Variants in FCHSD1 observed in about 807,000 individuals in gnomAD.
FCHSD1 encodes F-BAR and double SH3 domains protein 1.
Under a neutral mutation model 101.3 loss-of-function variants are expected in FCHSD1, and 109 were observed. The ratio of observed to expected loss-of-function variants is 1.08; its 90% CI spans 0.92 to 1.26. The LOEUF (loss-of-function observed/expected upper bound fraction) is 1.26. Ranked by LOEUF, FCHSD1 falls within the 50% of genes most tolerant of loss-of-function variation. The probability of loss-of-function intolerance (pLI) is 0.00; values close to 1 mark genes in which losing one functional copy is unlikely to be tolerated. For missense variants in FCHSD1, 820 were observed against 895.8 expected (o/e 0.92, Z 1.08); for synonymous variants, 291 against 356.8 (o/e 0.82, Z 2.08).
At position 141,649,893 on chromosome 5, in the gene FCHSD1, T is replaced by TC; in HGVS notation, c.226dup (p.Asp76GlyfsTer30). ...CCCCCTCCATAGGGCCCACCTGCTG[T>TC]CCATCTCACCGCTCCGGTGCCCTTC... is the stretch of plus-strand genomic sequence containing the variant. On this transcript the variant is annotated frameshift_variant, in exon 4 of 20. Transcript: ENST00000435817. LOFTEE classifies it high-confidence loss of function. The surrounding 1 kb of genome is among the most constrained non-coding windows in gnomAD (Gnocchi z 4.1). 1.9e-6 allele frequency: 3 copies of TC among 1,549,718 alleles called. No homozygotes were observed. Among genetic ancestry groups the TC allele is most frequent in the Non-Finnish European group, 2.6e-6 (3 of 1,147,116 alleles).
At chr5:141,648,719 T>G (rs2099907981) in intron 7 of FCHSD1, among the ~76,000 whole-genome samples, 1 of 152,198 alleles carries the variant, frequency 6.6e-6, no homozygotes, top group Admixed American at 6.5e-5. Context: ...CAGTGCCTAT[T>G]ATATACAGAT....
rs1042474340 is a variant in FCHSD1, at chr5:141,650,414, T to C, written c.120-10A>G. ...CTGCTTGCTGTAGGATCTGCGGAGATTGCAGGTCGGGGGTGAGGTGGGGGA... is the reference window on the plus strand; with the variant it reads ...CTGCTTGCTGTAGGATCTGCGGAGACTGCAGGTCGGGGGTGAGGTGGGGGA... On this transcript the variant is annotated splice_polypyrimidine_tract_variant and intron_variant, in intron 2 of 19. Coordinates refer to ENST00000435817, the MANE Select transcript of FCHSD1 (RefSeq NM_033449.3). 15 of 1,613,836 alleles carry C rather than the reference T, an allele frequency of 9.3e-6. No homozygotes were observed. The highest frequency in any genetic ancestry group is 1.3e-5 in the African/African-American group (1 of 74,994).
At chr5:141,646,821 CA>C in intron 10 of FCHSD1, 99 bp from the exon 11 acceptor site, 1 of 1,490,108 alleles carries the variant, frequency 6.7e-7, no homozygotes, top group South Asian at 1.3e-5. Flanking sequence ...AGGACAAGGA[CA>C]AAGAGAAAGG....
Position 141,649,815 on chromosome 5 carries a change from C to T in FCHSD1, c.233+72G>A. 1 of 1,503,378 alleles carries T rather than the reference C, an allele frequency of 6.7e-7. No individual in the cohort carries two copies. The highest frequency in any genetic ancestry group is 8.9e-7 in the Non-Finnish European group (1 of 1,122,078). 93.1% of individuals were successfully genotyped at this position (1,503,378 alleles called of 1,614,324 possible). On this transcript the variant is annotated intron_variant, in intron 4 of 19. Coordinates refer to ENST00000435817, the MANE Select transcript of FCHSD1 (RefSeq NM_033449.3). This position sits in a 1 kb window ranked among gnomAD's most constrained non-coding sequence, Gnocchi z 4.1. ...CTTCCCCACTTGCTAGGCCTTCATC[C>T]CCACAGGTTCCTGGGGCTGAGCTCC...
Position 141,649,930 on chromosome 5 carries a change from A to G in FCHSD1, c.190T>C (p.Phe64Leu). Residue 64 changes from phenylalanine to leucine, a missense_variant, in exon 4 of 20, where the codon TTC (phenylalanine) becomes CTC (leucine). Physicochemically the swap from Phe to Leu is conservative, Grantham distance 22 (BLOSUM62 0). Transcript: ENST00000435817. This position sits in a 1 kb window ranked among gnomAD's most constrained non-coding sequence, Gnocchi z 4.1. ...GQALQKLAGP[F>L]LKREGHRSGE... ...CTCCGGTGCCCTTCCCTCTTCAGGA[A>G]TGGGCCAGCCAGTTTCTGGAGTGCC... 1 of 1,549,980 alleles carries G rather than the reference A, an allele frequency of 6.5e-7. No homozygotes were observed.
Position 141,651,090 on chromosome 5 carries a change from G to A in FCHSD1, c.49C>T (p.Arg17Cys). Residue 17 changes from arginine (R) to cysteine (C), a missense_variant, in exon 2 of 20, where the codon CGC becomes TGC. By Grantham distance (180) the Arg-to-Cys change is radical (BLOSUM62 -3). Coordinates refer to ENST00000435817, the MANE Select transcript of FCHSD1 (RefSeq NM_033449.3). ...KVKPAQEVKL[R>C]FLEQLSILQT... is the part of the protein sequence containing the mutation. ...AGGATGCTCAGCTGTTCCAGGAAGCGAAGCTTCACCTCCTGGGCCGGCTTC... is the reference window on the plus strand; with the variant it reads ...AGGATGCTCAGCTGTTCCAGGAAGCAAAGCTTCACCTCCTGGGCCGGCTTC... 6.3e-7 allele frequency: 1 copy of A among 1,595,538 alleles called. No homozygotes were observed. The highest frequency in any genetic ancestry group is 8.5e-7 in the Non-Finnish European group (1 of 1,170,686).
Position 141,644,440 on chromosome 5 carries a change from T to C in FCHSD1, c.1643-2A>G. 6.2e-7 allele frequency: 1 copy of C among 1,613,436 alleles called. No homozygotes were observed. Among genetic ancestry groups the C allele is most frequent in the Non-Finnish European group, 8.5e-7 (1 of 1,179,644 alleles). On this transcript the variant is annotated splice_acceptor_variant, in intron 16 of 19. Transcript: ENST00000435817. LOFTEE classifies it high-confidence loss of function. The stretch of plus-strand genomic sequence containing the variant: ...TGTACAGGGCCTGTGCCAGGAATGC[T>C]ACAGAGGCCCAGGAGAGACGGTGAG...
In FCHSD1 at chr5:141,645,077, G is replaced by C. The variant is rs373942523; in HGVS notation, c.1383C>G (p.Pro461=). 39 of 1,591,098 alleles carry C rather than the reference G, an allele frequency of 2.5e-5. No individual in the cohort carries two copies. The East Asian group carries it at 3.1e-4, about 13-fold the overall frequency. The change falls in exon 14 of 20, where the codon CCC becomes CCG. Residue 461 remains proline, a synonymous_variant. Coordinates refer to ENST00000435817, the MANE Select transcript of FCHSD1 (RefSeq NM_033449.3). The part of the protein sequence containing the change: ...ETGELFEEPA[P]QALATRALPC... Reference sequence around the variant, plus strand: ...GGAGGGCCCTCGTGGCCAGGGCTTGGGGGGCAGGCTCCTCAAAGAGCTCTC... The same window carrying C: ...GGAGGGCCCTCGTGGCCAGGGCTTGCGGGGCAGGCTCCTCAAAGAGCTCTC...
In FCHSD1 at chr5:141,649,057, AG is replaced by A. The variant is rs1562392096; in HGVS notation, c.513-38del. 1 of 1,613,772 alleles carries A rather than the reference AG, an allele frequency of 6.2e-7. No homozygotes were observed. The highest frequency in any genetic ancestry group is 1.3e-5 in the African/African-American group (1 of 75,000). ...AGAGAAAGGAGTCAGGCCCACCCCAAGTGGGAGAATATGAGATCAGAGTCAG... is the reference window on the plus strand; with the variant it reads ...AGAGAAAGGAGTCAGGCCCACCCCAATGGGAGAATATGAGATCAGAGTCAG... On this transcript the variant is annotated intron_variant, in intron 6 of 19. Coordinates refer to ENST00000435817, the MANE Select transcript of FCHSD1 (RefSeq NM_033449.3). This position sits in a 1 kb window ranked among gnomAD's most constrained non-coding sequence, Gnocchi z 4.1.
rs941756233 is a variant in FCHSD1 at position 141,646,585 on chromosome 5, T to C, written c.1044+18A>G. 21 of 1,605,958 alleles carry C rather than the reference T, an allele frequency of 1.3e-5. No individual in the cohort carries two copies. Among genetic ancestry groups the C allele is most frequent in the Non-Finnish European group, 1.7e-5 (20 of 1,176,580 alleles). On this transcript the variant is annotated intron_variant, in intron 11 of 19. Coordinates refer to ENST00000435817, the MANE Select transcript of FCHSD1 (RefSeq NM_033449.3). ...GAGACAAGAAGGTGCACATGACACCTGTGCCCCCCCACCTCACCCGATGCC... is the reference window on the plus strand; with the variant it reads ...GAGACAAGAAGGTGCACATGACACCCGTGCCCCCCCACCTCACCCGATGCC...
intron 1 of FCHSD1, 101 bp from the exon 2 acceptor site, chr5:141,651,218 T>A (rs2099908363): frequency 6.6e-7 from 1 of 1,509,248 alleles, no homozygotes; most frequent in South Asian, 1.2e-5. Flanking sequence ...TGCTGAGCTC[T>A]TTCCTCTGTT....
In FCHSD1 at chr5:141,640,567, C is replaced by T. The variant is rs979010205; in HGVS notation, c.*931G>A. ...TGCAGGCTTAGCCTTTGCTATAAAT[C>T]CCTTGGTTTGGTGGTGGAGGTAGGG... On this transcript the variant is annotated 3_prime_UTR_variant, in exon 20 of 20. Coordinates refer to ENST00000435817, the MANE Select transcript of FCHSD1 (RefSeq NM_033449.3). The T allele has an allele frequency of 3.8e-6, 6 of 1,561,910 alleles. No individual in the cohort carries two copies. In the African/African-American group the frequency reaches 8.2e-5, roughly 21 times the overall value.
In FCHSD1 at chr5:141,645,034, C is replaced by A. The variant is rs1330810321; in HGVS notation, c.1426G>T (p.Val476Leu). Reference sequence around the variant, plus strand: ...CCCATTCATACCTGATAGCGAAATACCACGTGTGCAGGGCAGGGGAGGGCC... The same window carrying A: ...CCCATTCATACCTGATAGCGAAATAACACGTGTGCAGGGCAGGGGAGGGCC... ...TRALPCPAHVVFRYQAGREDE... is the reference protein window; with the variant it reads ...TRALPCPAHVLFRYQAGREDE... The change falls in exon 14 of 20, where the codon GTA becomes TTA. Residue 476 changes from valine (V) to leucine (L), a missense_variant. Physicochemically the swap from Val to Leu is conservative, Grantham distance 32 (BLOSUM62 1). Transcript: ENST00000435817. The A allele has an allele frequency of 1.9e-6, 3 of 1,609,832 alleles. No homozygotes were observed. Among genetic ancestry groups the A allele is most frequent in the African/African-American group, 2.7e-5 (2 of 74,898 alleles).
At chr5:141,643,149 C>G in intron 17 of FCHSD1, 61 bp from the exon 18 acceptor site, 1 of 1,307,544 alleles carries the variant, frequency 7.6e-7, no homozygotes, top group Non-Finnish European at 1.0e-6. Context: ...CCAGCTTTTC[C>G]TCTCATCCCA....
rs2099906884 is a variant in FCHSD1 at position 141,641,386 on chromosome 5, A to T, written c.*112T>A. The T allele has an allele frequency of 9.7e-7, 1 of 1,032,882 alleles. No homozygotes were observed. The highest frequency in any genetic ancestry group is 2.4e-5 in the South Asian group (1 of 40,968). 64.0% of individuals were successfully genotyped at this position (1,032,882 alleles called of 1,614,324 possible). A position where few individuals can be genotyped will look rare whatever the true frequency, so the allele number is the denominator to read the frequency against. ...TTCCACCCTTGGAGGTGAGGGTGGA[A>T]ATAAGGGCGATTCCAGCTTTTGGCT... On this transcript the variant is annotated 3_prime_UTR_variant, in exon 20 of 20. Coordinates refer to ENST00000435817, the MANE Select transcript of FCHSD1 (RefSeq NM_033449.3).
rs765970520 is a variant in FCHSD1 at position 141,639,437 on chromosome 5, C to T, written c.*2061G>A. ...CATGAAGGGAAATGGAAATGTTACCCTCACTCCCCTCCTCCCTGCTGTCCA... is the reference window on the plus strand; with the variant it reads ...CATGAAGGGAAATGGAAATGTTACCTTCACTCCCCTCCTCCCTGCTGTCCA... On this transcript the variant is annotated 3_prime_UTR_variant, in exon 20 of 20. Transcript: ENST00000435817. This position sits in a 1 kb window ranked among gnomAD's most constrained non-coding sequence, Gnocchi z 4.4. The T allele has an allele frequency of 6.4e-7, 1 of 1,561,938 alleles. No homozygotes were observed. Among genetic ancestry groups the T allele is most frequent in the South Asian group, 1.1e-5 (1 of 87,326 alleles).
intron 19 of FCHSD1, 30 bp downstream of exon 19, chr5:141,641,672 T>C: frequency 1.2e-6 from 2 of 1,613,728 alleles, no homozygotes; most frequent in South Asian, 1.1e-5. Context: ...CCCCTCTACA[T>C]ACAATCTCCT....
At chr5:141,644,982 C>A in intron 14 of FCHSD1, 38 bp downstream of exon 14, 1 of 1,613,900 alleles carries the variant, frequency 6.2e-7, no homozygotes, top group Non-Finnish European at 8.5e-7. Flanking sequence ...GGCTGTCCCC[C>A]ACCCTTGCCC....
At chr5:141,643,169 C>G in intron 17 of FCHSD1, 81 bp from the exon 18 acceptor site, 2 of 1,146,134 alleles carry the variant, frequency 1.7e-6, no homozygotes, top group Admixed American at 3.5e-5. Flanking sequence ...ATCTCCAGTT[C>G]CTTCCTCATC....
Sources: allele counts gnomAD v4.1 joint callset (sites outside exome capture counted in the v4.1 genomes callset), GRCh38; gene constraint gnomAD v4.1.1; non-coding constraint Gnocchi (gnomAD v3.1); transcripts MANE v1.5; gene names NCBI Gene and HGNC (gene_info 2026-07-23, HGNC 2026-07-21).